Variants in MLLT3 observed in about 807,000 individuals in gnomAD.
MLLT3 encodes the protein MLLT3 super elongation complex subunit.
MLLT3 carries 4 observed loss-of-function variants against 53.2 expected under a neutral mutation model. The ratio of observed to expected loss-of-function variants is 0.08; its 90% CI spans 0.04 to 0.17. MLLT3 has a LOEUF of 0.17. Among genes scored for constraint, MLLT3 ranks in the 10% least tolerant of loss-of-function variants. The probability of loss-of-function intolerance (pLI) is 1.00; values close to 1 mark genes in which losing one functional copy is unlikely to be tolerated. For synonymous variants in MLLT3, 283 were observed against 230.6 expected, an observed-to-expected ratio of 1.23 and a Z score of -2.06; for missense variants, 569 against 684.0, an observed-to-expected ratio of 0.83 and a Z score of 1.87.
At chr9:20,577,557 A>G (rs891105311) in intron 2 of MLLT3, among the ~76,000 whole-genome samples, 1 of 152,174 alleles carries the variant, frequency 6.6e-6, no homozygotes, top group African/African-American at 2.4e-5. Flanking sequence ...CACCTTGACC[A>G]TCTCTCACTT....
chr9:20,361,061 G>A (rs576190283), intron 7 of MLLT3, among the ~76,000 whole-genome samples: 4 of 152,266 alleles, frequency 2.6e-5, no homozygotes, highest in South Asian at 2.1e-4. Flanking sequence ...TTTCACAGAC[G>A]AGTAAACTGA....
At chr9:20,530,723 T>C (rs1388874607) in intron 2 of MLLT3, among the ~76,000 whole-genome samples, 1 of 152,214 alleles carries the variant, frequency 6.6e-6, no homozygotes, top group Non-Finnish European at 1.5e-5. Context: ...CTCTACATCC[T>C]GGGTTTCAAT....
intron 2 of MLLT3, among the ~76,000 whole-genome samples, chr9:20,524,396 A>G (rs573044107): frequency 1.3e-5 from 2 of 152,324 alleles, no homozygotes; most frequent in Admixed American, 6.5e-5. Context: ...AAACTTCTAT[A>G]AAACTACTGC....
At chr9:20,469,476 A>T (rs898982630) in intron 2 of MLLT3, among the ~76,000 whole-genome samples, 1 of 152,070 alleles carries the variant, frequency 6.6e-6, no homozygotes, top group East Asian at 1.9e-4. Context: ...GCCACTATGC[A>T]GTCAATCTTA....
chr9:20,378,212 A>G (rs934240784), intron 5 of MLLT3, among the ~76,000 whole-genome samples: 1 of 152,092 alleles, frequency 6.6e-6, no homozygotes, highest in Non-Finnish European at 1.5e-5. Flanking sequence ...TTGGCTTACT[A>G]TAATTTGGAA....
chr9:20,419,270 T>C (rs1029285829), intron 4 of MLLT3, among the ~76,000 whole-genome samples: 1 of 152,134 alleles, frequency 6.6e-6, no homozygotes, highest in Non-Finnish European at 1.5e-5. Context: ...AGAAGATCGA[T>C]GCTAACTGGC....
At chr9:20,370,365 A>G (rs1039457276) in intron 5 of MLLT3, among the ~76,000 whole-genome samples, 2 of 152,114 alleles carry the variant, frequency 1.3e-5, no homozygotes, top group Non-Finnish European at 2.9e-5. Flanking sequence ...AATGTTGTGT[A>G]TCTCTAACTG....
At chr9:20,590,064 T>C (rs983596211) in intron 2 of MLLT3, among the ~76,000 whole-genome samples, 2 of 152,164 alleles carry the variant, frequency 1.3e-5, no homozygotes, top group South Asian at 2.1e-4. Flanking sequence ...CTGTGGATAA[T>C]GAACAGCCCA....
intron 5 of MLLT3, among the ~76,000 whole-genome samples, chr9:20,385,073 A>T (rs1563945318): frequency 6.6e-6 from 1 of 152,280 alleles, no homozygotes; most frequent in East Asian, 1.9e-4. Flanking sequence ...TTATTTATTA[A>T]TAAATCCTAC....
At chr9:20,417,343 A>G (rs1023542803) in intron 4 of MLLT3, among the ~76,000 whole-genome samples, 12 of 147,926 alleles carry the variant, frequency 8.1e-5, no homozygotes, top group African/African-American at 1.7e-4. Flanking sequence ...CCTATCTGAT[A>G]TTTACATATA....
chr9:20,527,621 C>T (rs1290004788), intron 2 of MLLT3, among the ~76,000 whole-genome samples: 1 of 152,136 alleles, frequency 6.6e-6, no homozygotes, highest in Non-Finnish European at 1.5e-5. Context: ...GTCTGTATCT[C>T]AACAAGCAAA....
intron 4 of MLLT3, among the ~76,000 whole-genome samples, chr9:20,440,693 C>T (rs994253411): frequency 2.0e-5 from 3 of 152,052 alleles, no homozygotes; most frequent in African/African-American, 7.2e-5. Context: ...TAAGCAAAGA[C>T]GAAATAGAGA....
At chr9:20,614,673 T>A (rs376758232) in intron 2 of MLLT3, among the ~76,000 whole-genome samples, 1 of 152,102 alleles carries the variant, frequency 6.6e-6, no homozygotes, top group East Asian at 1.9e-4. Flanking sequence ...TTTAAAAAAA[T>A]GAACAAGGTT....
At chr9:20,375,873 G>C (rs1197302248) in intron 5 of MLLT3, among the ~76,000 whole-genome samples, 1 of 152,056 alleles carries the variant, frequency 6.6e-6, no homozygotes, top group African/African-American at 2.4e-5. Flanking sequence ...CTCCCAAAGT[G>C]CTGGGATTAC....
At chr9:20,466,536 C>T (rs930988857) in intron 2 of MLLT3, among the ~76,000 whole-genome samples, 1 of 152,072 alleles carries the variant, frequency 6.6e-6, no homozygotes, top group African/African-American at 2.4e-5. Context: ...TTCTCCCTAC[C>T]CTGACTATAG....
At chr9:20,382,492 A>C (rs1162483363) in intron 5 of MLLT3, 1 of 151,868 alleles carries the variant, frequency 6.6e-6, no homozygotes, top group East Asian at 1.9e-4. Flanking sequence ...AAAAGAAAGA[A>C]GTCTCCTTAG....
chr9:20,375,267 G>A (rs1412062824), intron 5 of MLLT3, among the ~76,000 whole-genome samples: 1 of 152,194 alleles, frequency 6.6e-6, no homozygotes, highest in South Asian at 2.1e-4. Context: ...AGGTGAATTA[G>A]AACCGGATTT....
In MLLT3 at chr9:20,621,670, C is replaced by T. The variant is rs1488027386; in HGVS notation, c.12+575G>A. The T allele has an allele frequency of 2.5e-6, 3 of 1,196,702 alleles. No homozygotes were observed. Among genetic ancestry groups the T allele is most frequent in the East Asian group, 6.2e-5 (2 of 32,438 alleles). 74.1% of individuals were successfully genotyped at this position (1,196,702 alleles called of 1,614,324 possible). A position where few individuals can be genotyped will look rare whatever the true frequency, so the allele number is the denominator to read the frequency against. ...CGGGCGGACAGCCGCCGAGCCTCGG[C>T]TCGCGCTCAGCACCTCCCGGCGCTG... On this transcript the variant is annotated intron_variant, in intron 1 of 10. Transcript: ENST00000380338. The surrounding 1 kb of genome is among the most constrained non-coding windows in gnomAD (Gnocchi z 7.0).
chr9:20,597,900 GATATC>G (rs1563836968), intron 2 of MLLT3, among the ~76,000 whole-genome samples: 1 of 152,132 alleles, frequency 6.6e-6, no homozygotes, highest in African/African-American at 2.4e-5. Flanking sequence ...TTTAAACTTA[GATATC>G]TGCTTAGTGT....
Sources: allele counts gnomAD v4.1 joint callset (sites outside exome capture counted in the v4.1 genomes callset), GRCh38; gene constraint gnomAD v4.1.1; non-coding constraint Gnocchi (gnomAD v3.1); transcripts MANE v1.5; gene names NCBI Gene and HGNC (gene_info 2026-07-23, HGNC 2026-07-21).